The following KCNK18 variants were observed in gnomAD, a reference collection of about 807,000 sequenced individuals.
KCNK18 encodes potassium channel subfamily K member 18.
A neutral mutation model predicts 11.8 loss-of-function variants in KCNK18; 8 were observed. That is an observed-to-expected ratio of 0.68 (90% CI 0.40 to 1.22). The LOEUF is 1.22. Among genes scored for constraint, KCNK18 ranks in the 50% most tolerant of loss-of-function variants. KCNK18 has a pLI of 0.01. For synonymous variants in KCNK18, 208 were observed against 185.8 expected, an observed-to-expected ratio of 1.12 and a Z score of -0.97; for missense variants, 442 against 465.4, an observed-to-expected ratio of 0.95 and a Z score of 0.46.
At position 117,203,814 on chromosome 10, in the gene KCNK18, G is replaced by A. The variant is rs1002107200; in HGVS notation, c.352+2527G>A. 5.9e-5 allele frequency among the ~76,000 whole-genome samples: 9 copies of A among 152,270 alleles called. No homozygotes were observed. In the South Asian group the frequency reaches 1.9e-3, roughly 32 times the overall value. The stretch of plus-strand genomic sequence containing the variant: ...GGCCTTCCAAAGTGCTGGGATTATA[G>A]GCGTGAGCCACTGCACCCGGCCATG... On this transcript the variant is annotated intron_variant, in intron 2 of 2. Transcript: ENST00000334549.
rs762619816 is a variant in KCNK18, at chr10:117,210,228, C to A, written c.1084C>A (p.Leu362Met). 3 of 1,614,136 alleles carry A rather than the reference C, an allele frequency of 1.9e-6. No homozygotes were observed. The East Asian group carries it at 6.7e-5, about 36-fold the overall frequency. ...FIAFKLVQNR[L>M]IDIYKNVMLF... ...TGCTTTCAAGTTGGTGCAAAACAGG[C>A]TGATTGACATATACAAAAATGTTAT... Residue 362 changes from leucine (L) to methionine (M), a missense_variant, in exon 3 of 3, where the codon CTG (leucine) becomes ATG (methionine). Leu to Met is a conservative substitution (Grantham distance 15). Transcript: ENST00000334549.
chr10:117,200,262 G>GAGAC (rs1490407660), intron 1 of KCNK18, among the ~76,000 whole-genome samples: 1 of 152,034 alleles, frequency 6.6e-6, no homozygotes, highest in East Asian at 1.9e-4. Context: ...ATTTTTAGTA[G>GAGAC]AGACAGGGTT....
At chr10:117,200,268 G>A (rs1225145563) in intron 1 of KCNK18, among the ~76,000 whole-genome samples, 1 of 152,036 alleles carries the variant, frequency 6.6e-6, no homozygotes, top group Admixed American at 6.5e-5. Context: ...AGTAGAGACA[G>A]GGTTTCACCA....
At position 117,197,508 on chromosome 10, in the gene KCNK18, C is replaced by T. The variant is rs1202275319; in HGVS notation, c.20C>T (p.Pro7Leu). MEVSGH[P>L]QARRCCPEAL... ...GGGACGATGGAGGTCTCGGGGCACC[C>T]CCAGGCCAGGAGATGCTGCCCAGAG... is the stretch of plus-strand genomic sequence containing the variant. The change falls in exon 1 of 3, where the codon CCC becomes CTC. Residue 7 changes from proline to leucine, a missense_variant. Coordinates refer to ENST00000334549, the MANE Select transcript of KCNK18 (RefSeq NM_181840.1). The T allele has an allele frequency of 1.2e-6, 2 of 1,613,404 alleles. No individual in the cohort carries two copies. The highest frequency in any genetic ancestry group is 1.7e-6 in the Non-Finnish European group (2 of 1,179,980).
intron 1 of KCNK18, among the ~76,000 whole-genome samples, chr10:117,198,816 C>A (rs1564989196): frequency 6.6e-6 from 1 of 152,320 alleles, no homozygotes; most frequent in African/African-American, 2.4e-5. Context: ...CCTTGCCAGA[C>A]AGACGCCAGC....
At chr10:117,201,315 C>T (rs75147310) in intron 2 of KCNK18, 28 bp downstream of exon 2, 21 of 1,610,060 alleles carry the variant, frequency 1.3e-5, no homozygotes, top group Admixed American at 3.3e-5. Context: ...GTCCCCCTCA[C>T]GGTGGCCCTG....
rs1843748439 is a variant in KCNK18, at chr10:117,210,254, GC to G, written c.1111del (p.Leu371TyrfsTer?). Reference sequence around the variant, plus strand: ...TGATTGACATATACAAAAATGTTATGCTATTCTTTGCAAAAGGGAAGTTTTA... The same window carrying G: ...TGATTGACATATACAAAAATGTTATGTATTCTTTGCAAAAGGGAAGTTTTA... ...RLIDIYKNVM[L>X]FFAKGKFYHL... On this transcript the variant is annotated frameshift_variant, in exon 3 of 3. Transcript: ENST00000334549. LOFTEE classifies it low-confidence loss of function (END_TRUNC). 1 of 1,613,964 alleles carries G rather than the reference GC, an allele frequency of 6.2e-7. No homozygotes were observed. Among genetic ancestry groups the G allele is most frequent in the African/African-American group, 1.3e-5 (1 of 74,926 alleles).
rs1009810139 is a variant in KCNK18, at chr10:117,208,833, C to T, written c.353-664C>T. On this transcript the variant is annotated intron_variant, in intron 2 of 2. Coordinates refer to ENST00000334549, the MANE Select transcript of KCNK18 (RefSeq NM_181840.1). ...TTGGCTCACTGCAACCTCCACCTCCCGGCTTCAAGTGATTCTCCTGCCTCA... is the reference window on the plus strand; with the variant it reads ...TTGGCTCACTGCAACCTCCACCTCCTGGCTTCAAGTGATTCTCCTGCCTCA... Among the ~76,000 whole-genome samples, 3 of 152,040 alleles carry T rather than the reference C, an allele frequency of 2.0e-5. No individual in the cohort carries two copies. The East Asian group carries it at 5.8e-4, about 30-fold the overall frequency.
chr10:117,200,188 C>T (rs959946275), intron 1 of KCNK18, among the ~76,000 whole-genome samples: 4 of 152,198 alleles, frequency 2.6e-5, no homozygotes, highest in African/African-American at 9.7e-5. Context: ...AGCAATTCTC[C>T]TGCCTCAGCC....
chr10:117,209,824 T>A lies in KCNK18; in HGVS notation c.680T>A (p.Leu227Gln). 1.2e-6 allele frequency: 2 copies of A among 1,614,158 alleles called. No individual in the cohort carries two copies. Among genetic ancestry groups the A allele is most frequent in the Non-Finnish European group, 1.7e-6 (2 of 1,180,036 alleles). Residue 227 changes from leucine (L) to glutamine (Q), a missense_variant, in exon 3 of 3, where the codon CTG (leucine) becomes CAG (glutamine). Coordinates refer to ENST00000334549, the MANE Select transcript of KCNK18 (RefSeq NM_181840.1). ...CPSRPSCSME[L>Q]FERSHALEKQ... ...TCACGCCCAAGCTGCAGCATGGAGC[T>A]GTTTGAGAGATCTCATGCGCTAGAG...
intron 2 of KCNK18, among the ~76,000 whole-genome samples, chr10:117,206,660 A>C (rs1626211): frequency 0.66 from 100,856 of 151,902 alleles, 34,492 homozygotes; most frequent in Middle Eastern, 0.79. Flanking sequence ...TGCACACTAG[A>C]CACACTGGCC....
Position 117,209,652 on chromosome 10 carries a change from C to T in KCNK18, c.508C>T (p.Pro170Ser). 1 of 1,614,132 alleles carries T rather than the reference C, an allele frequency of 6.2e-7. No individual in the cohort carries two copies. Among genetic ancestry groups the T allele is most frequent in the Non-Finnish European group, 8.5e-7 (1 of 1,180,028 alleles). The change falls in exon 3 of 3, where the codon CCT becomes TCT. Residue 170 changes from proline (P) to serine (S), a missense_variant. Pro to Ser is a moderately conservative substitution (Grantham distance 74). Coordinates refer to ENST00000334549, the MANE Select transcript of KCNK18 (RefSeq NM_181840.1). ...ATCTTATAATCGGTTCCGAAAATTC[C>T]CTTTCTTTACCCGCCCCCTCCTCTC... Reference protein sequence around the residue: ...STSYNRFRKFPFFTRPLLSKW... With the variant: ...STSYNRFRKFSFFTRPLLSKW...
intron 1 of KCNK18, 68 bp downstream of exon 1, chr10:117,197,779 G>T (rs1589964608): frequency 7.0e-7 from 1 of 1,425,800 alleles, no homozygotes; most frequent in East Asian, 2.3e-5. Context: ...AGAGCAGAGG[G>T]CTGCCTTCTA....
chr10:117,202,046 G>T (rs900419736), intron 2 of KCNK18, among the ~76,000 whole-genome samples: 3 of 152,354 alleles, frequency 2.0e-5, no homozygotes, highest in Middle Eastern at 3.4e-3. Flanking sequence ...CACCAGGAGC[G>T]TGGCCCATCA....
chr10:117,197,564 T>C lies in KCNK18; in HGVS notation c.76T>C (p.Phe26Leu). ...GGGAAAGCTCTTCCCTGGCCTCTGC[T>C]TCCTCTGCTTTCTGGTGACCTACGC... The part of the protein sequence containing the change: ...ALGKLFPGLC[F>L]LCFLVTYALV... The change falls in exon 1 of 3, where the codon TTC becomes CTC. Residue 26 changes from phenylalanine (F) to leucine (L), a missense_variant. Transcript: ENST00000334549. The C allele has an allele frequency of 6.2e-7, 1 of 1,614,224 alleles. No individual in the cohort carries two copies. The highest frequency in any genetic ancestry group is 8.5e-7 in the Non-Finnish European group (1 of 1,180,030).
At chr10:117,203,637 T>A (rs576682818) in intron 2 of KCNK18, among the ~76,000 whole-genome samples, 2 of 152,338 alleles carry the variant, frequency 1.3e-5, no homozygotes, top group South Asian at 4.1e-4. Flanking sequence ...CCTCCCAGGT[T>A]CAAGCAATTT....
In KCNK18 at chr10:117,209,265, C is replaced by A. The variant is rs545795979; in HGVS notation, c.353-232C>A. Among the ~76,000 whole-genome samples, 40 of 152,318 alleles carry A rather than the reference C, an allele frequency of 2.6e-4. 1 individual carries two copies. In the South Asian group the frequency reaches 8.1e-3, roughly 31 times the overall value. On this transcript the variant is annotated intron_variant, in intron 2 of 2. Coordinates refer to ENST00000334549, the MANE Select transcript of KCNK18 (RefSeq NM_181840.1). ...GCCAAGGACATTTCAAATCAAAGAC[C>A]TGGATATCAGTTGCTCCTTATCCTA...
chr10:117,197,499 CG>C lies in KCNK18; in HGVS notation c.15del (p.His6ThrfsTer26). On this transcript the variant is annotated frameshift_variant, in exon 1 of 3. Transcript: ENST00000334549. LOFTEE classifies it high-confidence loss of function. MEV[S>X]GHPQARRCCP... ...CATGCTTCAGGGACGATGGAGGTCT[CG>C]GGGCACCCCCAGGCCAGGAGATGCT... 6.2e-7 allele frequency: 1 copy of C among 1,612,974 alleles called. No homozygotes were observed. The highest frequency in any genetic ancestry group is 1.7e-5 in the Admixed American group (1 of 60,026).
chr10:117,204,941 G>T (rs114914600), intron 2 of KCNK18, among the ~76,000 whole-genome samples: 101 of 152,332 alleles, frequency 6.6e-4, no homozygotes, highest in African/African-American at 2.3e-3. Flanking sequence ...AGAAGGCAAT[G>T]CTACTGCCCA....
Sources: gnomAD v4.1 joint callset for allele counts (sites outside exome capture counted in the v4.1 genomes callset) on GRCh38, gnomAD v4.1.1 for gene constraint, MANE v1.5 for transcripts, NCBI Gene and HGNC (gene_info 2026-07-23, HGNC 2026-07-21) for gene names.